The following NOVA1 variants were observed in gnomAD, a reference collection of about 807,000 sequenced individuals.
NOVA1 encodes NOVA alternative splicing regulator 1.
A neutral mutation model predicts 38.0 loss-of-function variants in NOVA1; 7 were observed. That is an observed-to-expected ratio of 0.18 (90% CI 0.10 to 0.35). The LOEUF (loss-of-function observed/expected upper bound fraction) is 0.35, where lower values mean the gene tolerates loss of function less well. Ranked by LOEUF, NOVA1 falls within the 10% of genes least tolerant of loss-of-function variation. The pLI is 1.00. For synonymous variants in NOVA1, 270 were observed against 232.5 expected, an observed-to-expected ratio of 1.16 and a Z score of -1.47; for missense variants, 460 against 616.0, an observed-to-expected ratio of 0.75 and a Z score of 2.68.
chr14:26,555,550 T>A (rs1322538146), intron 2 of NOVA1, among the ~76,000 whole-genome samples: 1 of 152,108 alleles, frequency 6.6e-6, no homozygotes, highest in Non-Finnish European at 1.5e-5. Flanking sequence ...ATTACAAAAC[T>A]AAGTTCTAAA....
Position 26,464,369 on chromosome 14 carries a change from T to C in NOVA1, c.519+7951A>G, listed in dbSNP as rs569417358. ...GCATTCAGTACAGTAACATGCTGTA[T>C]AGGTTTGTAGCCTAGGAGCAACAGG... On this transcript the variant is annotated intron_variant, in intron 4 of 4. Transcript: ENST00000539517. Among the ~76,000 whole-genome samples, 9 of 152,322 alleles carry C rather than the reference T, an allele frequency of 5.9e-5. 1 individual carries two copies. The East Asian group carries it at 1.7e-3, about 29-fold the overall frequency.
chr14:26,575,012 G>A (rs1213930657), intron 2 of NOVA1, among the ~76,000 whole-genome samples: 4 of 152,044 alleles, frequency 2.6e-5, no homozygotes, highest in Admixed American at 2.6e-4. Flanking sequence ...ATATCTTCTA[G>A]GTAAATTATA....
In NOVA1 at chr14:26,550,095, A is replaced by G. The variant is rs189766483; in HGVS notation, c.280+45315T>C. Among the ~76,000 whole-genome samples the G allele has an allele frequency of 2.5e-3, 380 of 152,328 alleles. 1 individual carries two copies. The highest frequency in any genetic ancestry group is 8.8e-3 in the African/African-American group (367 of 41,576). On this transcript the variant is annotated intron_variant, in intron 2 of 4. Coordinates refer to ENST00000539517, the MANE Select transcript of NOVA1 (RefSeq NM_002515.3). ...CAATAAACCAAATGTTAAAACGTAT[A>G]TGTTAAAAAATAAAACCCAAATACT...
At chr14:26,590,904 A>C (rs1253652019) in intron 2 of NOVA1, among the ~76,000 whole-genome samples, 1 of 151,800 alleles carries the variant, frequency 6.6e-6, no homozygotes, top group Non-Finnish European at 1.5e-5. Flanking sequence ...CACCAACACT[A>C]TAAATTAATG....
chr14:26,557,484 C>T (rs961426648), intron 2 of NOVA1, among the ~76,000 whole-genome samples: 2 of 152,058 alleles, frequency 1.3e-5, no homozygotes, highest in East Asian at 3.9e-4. Flanking sequence ...ACCTCAGCCT[C>T]CCAAGTAGCA....
intron 1 of NOVA1, chr14:26,595,800 A>G (rs1894149477): frequency 5.2e-6 from 2 of 385,960 alleles, no homozygotes; most frequent in Non-Finnish European, 9.4e-6. Context: ...ATATTCTATT[A>G]TTTTGCAGCA....
At chr14:26,515,910 A>AT (rs1263668086) in intron 2 of NOVA1, among the ~76,000 whole-genome samples, 1 of 152,092 alleles carries the variant, frequency 6.6e-6, no homozygotes, top group South Asian at 2.1e-4. Flanking sequence ...GTACAAAATC[A>AT]TAAGTGTATA....
intron 2 of NOVA1, among the ~76,000 whole-genome samples, chr14:26,516,507 A>G (rs1331410055): frequency 1.3e-5 from 2 of 152,140 alleles, no homozygotes. Flanking sequence ...ATTGGCATTT[A>G]GATCTGCAAT....
At chr14:26,596,107 G>T (rs1894170207) in intron 1 of NOVA1, 1 of 235,934 alleles carries the variant, frequency 4.2e-6, no homozygotes, top group Non-Finnish European at 8.5e-6. Flanking sequence ...AAACTGTGGG[G>T]TGTATTCCAA....
chr14:26,455,435 T>C (rs1173823984), intron 4 of NOVA1, among the ~76,000 whole-genome samples: 1 of 152,104 alleles, frequency 6.6e-6, no homozygotes, highest in African/African-American at 2.4e-5. Context: ...TTTAGTTTCA[T>C]CATCTATAAA....
chr14:26,560,558 T>A (rs1310929716), intron 2 of NOVA1, among the ~76,000 whole-genome samples: 3 of 152,178 alleles, frequency 2.0e-5, no homozygotes, highest in Non-Finnish European at 2.9e-5. Flanking sequence ...ATAGAATCTA[T>A]CAGATTTTGT....
At chr14:26,538,155 C>A (rs1371384474) in intron 2 of NOVA1, among the ~76,000 whole-genome samples, 1 of 151,986 alleles carries the variant, frequency 6.6e-6, no homozygotes, top group Non-Finnish European at 1.5e-5. Flanking sequence ...CCTTTCAAAT[C>A]AATAAAGAAA....
At chr14:26,490,459 AAC>A (rs143606947) in intron 2 of NOVA1, among the ~76,000 whole-genome samples, 2,487 of 152,302 alleles carry the variant, frequency 0.016, 70 homozygotes, top group African/African-American at 0.056. Flanking sequence ...CATCCCCAAC[AAC>A]AGTGTAAAAG....
chr14:26,462,823 T>C (rs1683400843), intron 4 of NOVA1, among the ~76,000 whole-genome samples: 1 of 152,186 alleles, frequency 6.6e-6, no homozygotes, highest in African/African-American at 2.4e-5. Flanking sequence ...CTTGGGAAAT[T>C]ACCTTCTTTC....
intron 2 of NOVA1, among the ~76,000 whole-genome samples, chr14:26,510,255 C>T (rs1887970552): frequency 6.6e-6 from 1 of 152,112 alleles, no homozygotes; most frequent in Non-Finnish European, 1.5e-5. Flanking sequence ...CCCCTGCCTT[C>T]AAGTAGCTCA....
At chr14:26,585,100 A>G (rs1893439431) in intron 2 of NOVA1, among the ~76,000 whole-genome samples, 4 of 151,518 alleles carry the variant, frequency 2.6e-5, no homozygotes, top group Admixed American at 2.6e-4. Context: ...AAAGAGTGCT[A>G]TCTATTAAAT....
intron 4 of NOVA1, among the ~76,000 whole-genome samples, chr14:26,468,367 G>C (rs973214300): frequency 3.5e-4 from 53 of 152,182 alleles, no homozygotes; most frequent in Non-Finnish European, 6.5e-4. Flanking sequence ...GGATGAACAG[G>C]GACGCATATT....
rs1882006129 is a variant in NOVA1, at chr14:26,445,596, A to G, written c.*2363T>C. 3.3e-5 allele frequency: 5 copies of G among 152,212 alleles called. No individual in the cohort carries two copies. The South Asian group carries it at 1.0e-3, about 31-fold the overall frequency. The allele number at this position is 152,212 out of a possible 1,614,324, so 9.4% of individuals were successfully genotyped here. On this transcript the variant is annotated 3_prime_UTR_variant, in exon 5 of 5. Transcript: ENST00000539517. ...TAACATTAAATTCCAGATGAAATGC[A>G]TGGGCTCCACAGTGGACTACTGGAA... is the stretch of plus-strand genomic sequence containing the variant.
intron 2 of NOVA1, among the ~76,000 whole-genome samples, chr14:26,560,350 T>G (rs530526767): frequency 6.6e-6 from 1 of 152,282 alleles, no homozygotes; most frequent in South Asian, 2.1e-4. Flanking sequence ...AATATAAATT[T>G]ACTTTCTGTC....
Sources: allele counts gnomAD v4.1 joint callset (sites outside exome capture counted in the v4.1 genomes callset), GRCh38; gene constraint gnomAD v4.1.1; transcripts MANE v1.5; gene names NCBI Gene and HGNC (gene_info 2026-07-23, HGNC 2026-07-21).